The following TNRC6B variants were observed in gnomAD, a reference collection of about 807,000 sequenced individuals.
The protein encoded by TNRC6B is trinucleotide repeat containing adaptor 6B, also known as trinucleotide repeat-containing gene 6B protein.
Under a neutral mutation model 203.6 loss-of-function variants are expected in TNRC6B, and 52 were observed. The observed-to-expected ratio is 0.26, with a 90% CI of 0.20 to 0.32. TNRC6B has a LOEUF of 0.32. Among genes scored for constraint, TNRC6B ranks in the 10% least tolerant of loss-of-function variants. The probability of loss-of-function intolerance (pLI) is 1.00; values close to 1 mark genes in which losing one functional copy is unlikely to be tolerated. For missense variants in TNRC6B, 1,923 were observed against 2,286.2 expected (o/e 0.84, Z 3.24); for synonymous variants, 838 against 845.7 (o/e 0.99, Z 0.16).
chr22:40,224,686 T>C (rs1601898777), intron 1 of TNRC6B, among the ~76,000 whole-genome samples: 1 of 152,256 alleles, frequency 6.6e-6, no homozygotes, highest in Admixed American at 6.5e-5. Context: ...TTTCAAATGC[T>C]TTAATGGTTG....
At chr22:40,232,099 A>G (rs78165103) in intron 1 of TNRC6B, among the ~76,000 whole-genome samples, 373 of 152,232 alleles carry the variant, frequency 2.5e-3, no homozygotes, top group Non-Finnish European at 4.2e-3. Context: ...ATACATAATT[A>G]CTCAGTCATG....
intron 1 of TNRC6B, among the ~76,000 whole-genome samples, chr22:40,224,030 C>T (rs575217443): frequency 1.3e-5 from 2 of 151,702 alleles, no homozygotes; most frequent in Non-Finnish European, 1.5e-5. Context: ...TTTTTGAGAC[C>T]GAGTCTTACT....
intron 1 of TNRC6B, among the ~76,000 whole-genome samples, chr22:40,194,770 A>G (rs2069315519): frequency 6.6e-6 from 1 of 152,106 alleles, no homozygotes; most frequent in Admixed American, 6.5e-5. Context: ...ACCAATAGAG[A>G]AGAAAAGCCA....
chr22:40,299,437 G>A (rs1440578033), intron 12 of TNRC6B, among the ~76,000 whole-genome samples: 1 of 152,030 alleles, frequency 6.6e-6, no homozygotes, highest in Non-Finnish European at 1.5e-5. Context: ...CGGGGTTTCT[G>A]CATGTTGGTC....
chr22:40,289,728 G>A lies in TNRC6B; in HGVS notation c.3708+3958G>A, dbSNP rs528309662. Among the ~76,000 whole-genome samples the A allele has an allele frequency of 7.2e-5, 11 of 152,268 alleles. No individual in the cohort carries two copies. In the East Asian group the frequency reaches 2.1e-3, roughly 29 times the overall value. ...AGTCAGTGCCAGGTGATCTTACCAA[G>A]TGGAATGACTTTAAGCACTGAATTC... On this transcript the variant is annotated intron_variant, in intron 12 of 22. Transcript: ENST00000454349.
chr22:40,076,662 CAA>C (rs1265190369), intron 1 of TNRC6B, among the ~76,000 whole-genome samples: 1 of 152,050 alleles, frequency 6.6e-6, no homozygotes. Context: ...CTAAGCCTCT[CAA>C]AGTGGTGTGA....
rs2068807337 is a variant in TNRC6B, at chr22:40,154,998, TC to T, written c.46-1115del. 2.0e-5 allele frequency among the ~76,000 whole-genome samples: 3 copies of T among 148,984 alleles called. No homozygotes were observed. In the South Asian group the frequency reaches 6.4e-4, roughly 32 times the overall value. ...CATATGCATTCTTTTGTGACTTGCT[TC>T]CTTCACTTGATTACCTTTTTGTAAC... On this transcript the variant is annotated intron_variant, in intron 3 of 23. Transcript: ENST00000301923.
At chr22:40,248,520 A>G (rs184228935) in intron 2 of TNRC6B, among the ~76,000 whole-genome samples, 63 of 152,334 alleles carry the variant, frequency 4.1e-4, no homozygotes, top group African/African-American at 1.3e-3. Flanking sequence ...ACAAATATCA[A>G]TACCTAAAAT....
intron 4 of TNRC6B, among the ~76,000 whole-genome samples, chr22:40,170,920 T>C (rs1172486160): frequency 7.0e-6 from 1 of 143,462 alleles, no homozygotes; most frequent in Non-Finnish European, 1.5e-5. Context: ...TATATGTGTG[T>C]ATATATACAC....
At position 40,323,755 on chromosome 22, in the gene TNRC6B, C is replaced by G. The variant is rs952890024; in HGVS notation, c.*514C>G. The G allele has an allele frequency of 6.7e-6, 1 of 150,134 alleles. No individual in the cohort carries two copies. Among genetic ancestry groups the G allele is most frequent in the Admixed American group, 6.7e-5 (1 of 15,032 alleles). The allele number at this position is 150,134 out of a possible 1,614,324, so 9.3% of individuals were successfully genotyped here. On this transcript the variant is annotated 3_prime_UTR_variant, in exon 23 of 23. Coordinates refer to ENST00000454349, the MANE Select transcript of TNRC6B (RefSeq NM_001162501.2). Reference sequence around the variant, plus strand: ...AGGGGGGAGGGAAGACTTGACGGAGCCTCACTTTAAAAACAAAAACACAAA... The same window carrying G: ...AGGGGGGAGGGAAGACTTGACGGAGGCTCACTTTAAAAACAAAAACACAAA...
chr22:40,156,010 A>G, intron 3 of TNRC6B: 3 of 975,654 alleles, frequency 3.1e-6, no homozygotes, highest in Admixed American at 2.4e-5. Context: ...TCTGTGCACC[A>G]CAGTGAAACG....
intron 6 of TNRC6B, among the ~76,000 whole-genome samples, chr22:40,272,056 A>G (rs2070571842): frequency 6.6e-6 from 1 of 152,206 alleles, no homozygotes; most frequent in African/African-American, 2.4e-5. Flanking sequence ...TGTGTTATTT[A>G]TATTGGGTTT....
Position 40,246,025 on chromosome 22 carries a change from C to T in TNRC6B, c.16C>T (p.Gln6Ter), listed in dbSNP as rs2146471012. The T allele has an allele frequency of 6.6e-7, 1 of 1,526,258 alleles. No homozygotes were observed. The highest frequency in any genetic ancestry group is 2.5e-5 in the East Asian group (1 of 39,666). The allele number at this position is 1,526,258 out of a possible 1,614,324, so 94.5% of individuals were successfully genotyped here. The change falls in exon 2 of 23, where the codon CAA (glutamine) becomes TAA (stop). Residue 6 changes from glutamine to a stop codon, truncating the protein, a stop_gained. Transcript: ENST00000454349. LOFTEE classifies it high-confidence loss of function. MREKE[Q>*]EREEQLMEDK... is the part of the protein sequence containing the mutation. ...ATGTTACTTTAATAGAGAGAAGGAGCAAGAAAGGGAAGAACAGTTAATGGA... is the reference window on the plus strand; with the variant it reads ...ATGTTACTTTAATAGAGAGAAGGAGTAAGAAAGGGAAGAACAGTTAATGGA...
chr22:40,300,752 G>A (rs2071012297), intron 13 of TNRC6B, 158 bp from the exon 14 acceptor site: 3 of 1,226,964 alleles, frequency 2.4e-6, no homozygotes, highest in Non-Finnish European at 2.2e-6. Flanking sequence ...AGCTCAACTG[G>A]AGGAAAATGT....
intron 1 of TNRC6B, among the ~76,000 whole-genome samples, chr22:40,192,520 G>A (rs1203016272): frequency 6.6e-6 from 1 of 152,204 alleles, no homozygotes. Flanking sequence ...TGGAGTCTGA[G>A]GCATGAGAAT....
At chr22:40,277,522 T>C (rs559845532) in intron 8 of TNRC6B, among the ~76,000 whole-genome samples, 2 of 152,366 alleles carry the variant, frequency 1.3e-5, no homozygotes, top group African/African-American at 4.8e-5. Flanking sequence ...ACTAATTACA[T>C]AGGGAATTCT....
upstream of TNRC6B, among the ~76,000 whole-genome samples, chr22:40,175,963 C>T (rs1358670204): frequency 2.6e-5 from 4 of 152,146 alleles, no homozygotes; most frequent in Admixed American, 6.5e-5. Flanking sequence ...TACAAGCATT[C>T]GTAGGTTCCT....
At chr22:40,054,873 CAA>C (rs536397622) in intron 1 of TNRC6B, among the ~76,000 whole-genome samples, 2 of 134,200 alleles carry the variant, frequency 1.5e-5, no homozygotes. Context: ...CCCATCTCTA[CAA>C]AAAAAAAAAA....
intron 4 of TNRC6B, among the ~76,000 whole-genome samples, chr22:40,160,760 C>T (rs2068865175): frequency 6.6e-6 from 1 of 152,000 alleles, no homozygotes; most frequent in African/African-American, 2.4e-5. Flanking sequence ...AACAGGGCCT[C>T]ACTATGTTGC....
Sources: gnomAD v4.1 joint callset for allele counts (sites outside exome capture counted in the v4.1 genomes callset) on GRCh38, gnomAD v4.1.1 for gene constraint, MANE v1.5 for transcripts, NCBI Gene and HGNC (gene_info 2026-07-23, HGNC 2026-07-21) for gene names.